Variants in ADGRB1 observed in about 807,000 individuals in gnomAD.
The protein encoded by ADGRB1 is brain-specific angiogenesis inhibitor 1.
A neutral mutation model predicts 175.7 loss-of-function variants in ADGRB1; 36 were observed. The observed-to-expected ratio is 0.20, with a 90% confidence interval of 0.16 to 0.27. ADGRB1 has a LOEUF of 0.27. Ranked by LOEUF, ADGRB1 falls within the 10% of genes least tolerant of loss-of-function variation. The probability of loss-of-function intolerance (pLI) is 1.00; values close to 1 mark genes in which losing one functional copy is unlikely to be tolerated. For missense variants in ADGRB1, 1,731 were observed against 2,255.3 expected, an observed-to-expected ratio of 0.77 and a Z score of 4.71; for synonymous variants, 1,054 against 979.4, an observed-to-expected ratio of 1.08 and a Z score of -1.42.
intron 18 of ADGRB1, among the ~76,000 whole-genome samples, chr8:142,516,483 G>A (rs374161760): frequency 1.6e-4 from 23 of 140,800 alleles, no homozygotes; most frequent in South Asian, 7.0e-4. Context: ...GTGTGTGTGC[G>A]CGCGCGTGTG....
At chr8:142,526,516 C>CA in intron 23 of ADGRB1, 26 bp from the exon 24 acceptor site, 1 of 1,428,894 alleles carries the variant, frequency 7.0e-7, no homozygotes, top group African/African-American at 1.4e-5. Context: ...CCCACCCCCA[C>CA]ACCCCCACCA....
intron 27 of ADGRB1, among the ~76,000 whole-genome samples, chr8:142,541,560 C>A (rs188398644): frequency 5.4e-4 from 82 of 152,336 alleles, no homozygotes; most frequent in Middle Eastern, 3.4e-3. Flanking sequence ...GGAGGGCCGG[C>A]TGGGCTCTGC....
chr8:142,530,231 C>CGT (rs567324820), intron 24 of ADGRB1, among the ~76,000 whole-genome samples: 1,687 of 151,338 alleles, frequency 0.011, 22 homozygotes, highest in African/African-American at 0.037. Flanking sequence ...TGTGTGAATG[C>CGT]GTGTGTGTGT....
chr8:142,496,340 G>A (rs888022260), intron 17 of ADGRB1, among the ~76,000 whole-genome samples: 4 of 151,538 alleles, frequency 2.6e-5, no homozygotes, highest in Admixed American at 6.6e-5. Context: ...GGCTGGATGT[G>A]TAGATGGATA....
At position 142,543,323 on chromosome 8, in the gene ADGRB1, TG is replaced by T. The variant is rs1845391364; in HGVS notation, c.4414-79del. ...AGGCATGGGGCGAGTGAGTCCCTGATGCCCTCAGTCTGAGGCAGGGAGAGGC... is the reference window on the plus strand; with the variant it reads ...AGGCATGGGGCGAGTGAGTCCCTGATCCCTCAGTCTGAGGCAGGGAGAGGC... On this transcript the variant is annotated intron_variant, in intron 28 of 30. Transcript: ENST00000517894. This position sits in a 1 kb window ranked among gnomAD's most constrained non-coding sequence, Gnocchi z 4.4. The T allele has an allele frequency of 5.1e-6, 8 of 1,567,244 alleles. No homozygotes were observed. The highest frequency in any genetic ancestry group is 6.1e-6 in the Non-Finnish European group (7 of 1,145,974).
chr8:142,518,659 C>T (rs1181994689), intron 19 of ADGRB1, among the ~76,000 whole-genome samples: 6 of 152,274 alleles, frequency 3.9e-5, no homozygotes, highest in African/African-American at 1.4e-4. Flanking sequence ...GGGCTCTCAG[C>T]CTGCTGTCCA....
chr8:142,476,843 C>A, intron 4 of ADGRB1, 148 bp downstream of exon 4: 1 of 992,622 alleles, frequency 1.0e-6, no homozygotes, highest in Non-Finnish European at 1.4e-6. Flanking sequence ...TCCTGACTGC[C>A]TGGCATTAGG....
Position 142,493,357 on chromosome 8 carries a change from C to T in ADGRB1, c.2675+2542C>T, listed in dbSNP as rs886802594. On this transcript the variant is annotated intron_variant, in intron 17 of 30. Coordinates refer to ENST00000517894, the MANE Select transcript of ADGRB1 (RefSeq NM_001702.3). This position sits in a 1 kb window ranked among gnomAD's most constrained non-coding sequence, Gnocchi z 5.0. ...GGGTCTGCCTGCTTTTAGGCAGGGG[C>T]GGGGGCAGCAGGACGGCGGTCAAGT... 1.3e-5 allele frequency among the ~76,000 whole-genome samples: 2 copies of T among 152,010 alleles called. No homozygotes were observed. The highest frequency in any genetic ancestry group is 2.9e-5 in the Non-Finnish European group (2 of 67,996).
At chr8:142,489,314 C>A in intron 15 of ADGRB1, 22 bp from the exon 16 acceptor site, 2 of 1,611,844 alleles carry the variant, frequency 1.2e-6, no homozygotes, top group South Asian at 1.1e-5. Flanking sequence ...TCCCCCGACA[C>A]CTGTGCCTCT....
At chr8:142,509,131 G>A (rs1177331603) in intron 17 of ADGRB1, among the ~76,000 whole-genome samples, 5 of 152,218 alleles carry the variant, frequency 3.3e-5, no homozygotes, top group Non-Finnish European at 7.3e-5. Flanking sequence ...CCCTGGGCCC[G>A]AATCTCAGGA....
At chr8:142,516,938 C>G (rs971756975) in intron 18 of ADGRB1, among the ~76,000 whole-genome samples, 4 of 152,194 alleles carry the variant, frequency 2.6e-5, no homozygotes, top group Non-Finnish European at 5.9e-5. Context: ...CCTGACTTCC[C>G]TGTCTGTCTT....
intron 1 of ADGRB1, among the ~76,000 whole-genome samples, chr8:142,460,842 C>T (rs1360426406): frequency 6.6e-6 from 1 of 152,222 alleles, no homozygotes; most frequent in Non-Finnish European, 1.5e-5. Flanking sequence ...CATGGCCACT[C>T]CTGGCCCTCA....
At chr8:142,461,172 G>T (rs1407503513) in intron 1 of ADGRB1, among the ~76,000 whole-genome samples, 3 of 152,316 alleles carry the variant, frequency 2.0e-5, no homozygotes, top group African/African-American at 7.2e-5. Context: ...CAGAGAGCAT[G>T]GGCGGTGACC....
In ADGRB1 at chr8:142,537,223, G is replaced by A; in HGVS notation, c.3666+141G>A. 1.6e-6 allele frequency: 1 copy of A among 632,106 alleles called. No homozygotes were observed. Among genetic ancestry groups the A allele is most frequent in the African/African-American group, 1.9e-5 (1 of 52,250 alleles). The allele number at this position is 632,106 out of a possible 1,614,324, so 39.2% of individuals were successfully genotyped here. On this transcript the variant is annotated intron_variant, in intron 26 of 30. Transcript: ENST00000517894. The surrounding 1 kb of genome is among the most constrained non-coding windows in gnomAD (Gnocchi z 4.6). ...GGAGCTCTGAACCCAGTGTGCAGTT[G>A]GGGAAACTGAGGCTCGCCAAGTGGA... is the stretch of plus-strand genomic sequence containing the variant.
At chr8:142,529,693 G>A (rs867232897) in intron 24 of ADGRB1, among the ~76,000 whole-genome samples, 72 of 103,560 alleles carry the variant, frequency 7.0e-4, no homozygotes, top group African/African-American at 2.9e-3. Context: ...AGCGTGCATC[G>A]GTGTACCTGT....
At chr8:142,534,816 C>T (rs779016870) in intron 25 of ADGRB1, among the ~76,000 whole-genome samples, 7 of 152,178 alleles carry the variant, frequency 4.6e-5, no homozygotes, top group African/African-American at 7.2e-5. Context: ...CCCTGGTGCA[C>T]GCCACATGGG....
chr8:142,531,670 C>T (rs1844631152), intron 24 of ADGRB1, among the ~76,000 whole-genome samples: 1 of 152,202 alleles, frequency 6.6e-6, no homozygotes, highest in Non-Finnish European at 1.5e-5. Flanking sequence ...GGCCCTCTGT[C>T]CTGGTGTTGC....
In ADGRB1 at chr8:142,455,009, C is replaced by T. The variant is rs1300985955; in HGVS notation, c.-220+4905C>T. On this transcript the variant is annotated intron_variant, in intron 1 of 30. Coordinates refer to ENST00000517894, the MANE Select transcript of ADGRB1 (RefSeq NM_001702.3). The surrounding 1 kb of genome is among the most constrained non-coding windows in gnomAD (Gnocchi z 4.9). Reference sequence around the variant, plus strand: ...TGGGTTTCACAAACACAAACATGCACACACCCACCCCTTCTGTCCCCTGTC... The same window carrying T: ...TGGGTTTCACAAACACAAACATGCATACACCCACCCCTTCTGTCCCCTGTC... Among the ~76,000 whole-genome samples, 1 of 151,892 alleles carries T rather than the reference C, an allele frequency of 6.6e-6. No homozygotes were observed. Among genetic ancestry groups the T allele is most frequent in the Non-Finnish European group, 1.5e-5 (1 of 67,952 alleles).
intron 13 of ADGRB1, among the ~76,000 whole-genome samples, chr8:142,486,041 A>C (rs1346072634): frequency 6.6e-6 from 1 of 152,230 alleles, no homozygotes; most frequent in Non-Finnish European, 1.5e-5. Flanking sequence ...AAGTACCATT[A>C]GCAGATGAAA....
Sources: gnomAD v4.1 joint callset for allele counts (sites outside exome capture counted in the v4.1 genomes callset) on GRCh38, gnomAD v4.1.1 for gene constraint, Gnocchi (gnomAD v3.1) non-coding constraint, MANE v1.5 for transcripts, NCBI Gene and HGNC (gene_info 2026-07-23, HGNC 2026-07-21) for gene names.